PLAGL1: variants seen among roughly 807,000 people sequenced by gnomAD.
PLAGL1 encodes PLAG1 like zinc finger 1.
A neutral mutation model predicts 4.6 loss-of-function variants in PLAGL1; 1 was observed. That is an observed-to-expected ratio of 0.22 (90% CI 0.08 to 1.03). PLAGL1 has a LOEUF of 1.03. Among genes scored for constraint, PLAGL1 ranks in the 50% least tolerant of loss-of-function variants. PLAGL1 has a pLI of 0.58. For missense variants in PLAGL1, 464 were observed against 570.4 expected (o/e 0.81, Z 1.90); for synonymous variants, 240 against 237.8 (o/e 1.01, Z -0.08).
chr6:144,040,149 G>A (rs1252714482), intron 1 of PLAGL1, among the ~76,000 whole-genome samples: 2 of 152,188 alleles, frequency 1.3e-5, no homozygotes, highest in African/African-American at 4.8e-5. Context: ...GAACTCCAAA[G>A]TTCATGGTAA....
upstream of PLAGL1, among the ~76,000 whole-genome samples, chr6:144,009,778 C>T (rs1795011665): frequency 6.6e-6 from 1 of 151,978 alleles, no homozygotes; most frequent in South Asian, 2.1e-4. Flanking sequence ...GTTTAGTTTT[C>T]TGTTCCTGTG....
In PLAGL1 at chr6:144,061,334, GGAA is replaced by G. The variant is rs1799384956; in HGVS notation, c.-151+3131_-151+3133del. 2.0e-5 allele frequency among the ~76,000 whole-genome samples: 3 copies of G among 152,158 alleles called. No homozygotes were observed. The highest frequency in any genetic ancestry group is 4.4e-5 in the Non-Finnish European group (3 of 68,032). On this transcript the variant is annotated intron_variant, in intron 1 of 3. Transcript: ENST00000437412. This position sits in a 1 kb window ranked among gnomAD's most constrained non-coding sequence, Gnocchi z 4.4. ...CCAATTCCAATTTCTTTCTACAACT[GGAA>G]CAGGACAGTCTATCTGTGCAACCTA...
Position 144,063,867 on chromosome 6 carries a change from CG to C in PLAGL1, c.-151+600del, listed in dbSNP as rs1307228537. 6.6e-6 allele frequency among the ~76,000 whole-genome samples: 1 copy of C among 152,196 alleles called. No individual in the cohort carries two copies. Among genetic ancestry groups the C allele is most frequent in the African/African-American group, 2.4e-5 (1 of 41,452 alleles). On this transcript the variant is annotated intron_variant, in intron 1 of 3. Transcript: ENST00000437412. This position sits in a 1 kb window ranked among gnomAD's most constrained non-coding sequence, Gnocchi z 5.7. ...ATTATCCCGCGCGCCGCCGGTAATC[CG>C]GGGTGACGCCACGGCCCAGGTCTCT...
At chr6:144,020,524 T>C (rs1421179956) in intron 1 of PLAGL1, among the ~76,000 whole-genome samples, 1 of 151,926 alleles carries the variant, frequency 6.6e-6, no homozygotes, top group Non-Finnish European at 1.5e-5. Context: ...CCTGACCTTG[T>C]ATCCACCCAC....
chr6:143,945,842 G>A lies in PLAGL1; in HGVS notation c.152+2143C>T, dbSNP rs1429976659. The stretch of plus-strand genomic sequence containing the variant: ...TACTATATCACTGCTTCAGGCAAGA[G>A]AGGCGAGAGGCAAGAAATGCTGGGG... On this transcript the variant is annotated intron_variant, in intron 7 of 7. Transcript: ENST00000674357. The surrounding 1 kb of genome is among the most constrained non-coding windows in gnomAD (Gnocchi z 4.2). 1.3e-5 allele frequency among the ~76,000 whole-genome samples: 2 copies of A among 152,180 alleles called. No individual in the cohort carries two copies. The highest frequency in any genetic ancestry group is 2.4e-5 in the African/African-American group (1 of 41,442).
intron 2 of PLAGL1, among the ~76,000 whole-genome samples, chr6:143,976,333 T>A (rs1786543930): frequency 6.7e-6 from 1 of 148,514 alleles, no homozygotes; most frequent in Non-Finnish European, 1.5e-5. Context: ...CTTAGTGATT[T>A]AGTTCTCCTT....
In PLAGL1 at chr6:143,947,757, A is replaced by G. The variant is rs911043301; in HGVS notation, c.152+228T>C. Among the ~76,000 whole-genome samples the G allele has an allele frequency of 1.3e-5, 2 of 152,160 alleles. No homozygotes were observed. The highest frequency in any genetic ancestry group is 4.1e-4 in the South Asian group (2 of 4,830). On this transcript the variant is annotated intron_variant, in intron 7 of 7. Coordinates refer to ENST00000674357, the MANE Select transcript of PLAGL1 (RefSeq NM_001317162.2). The surrounding 1 kb of genome is among the most constrained non-coding windows in gnomAD (Gnocchi z 4.3). ...CTCCAGCCATGGGGAGAGGCCTGGT[A>G]TATTGTAGGTGCATAAAAAATCTCT...
At chr6:144,042,187 C>A (rs376640739) in intron 1 of PLAGL1, among the ~76,000 whole-genome samples, 1 of 152,028 alleles carries the variant, frequency 6.6e-6, no homozygotes, top group Admixed American at 6.5e-5. Context: ...TAATTAGATC[C>A]CATTTGTCTA....
intron 7 of PLAGL1, among the ~76,000 whole-genome samples, chr6:143,944,165 T>G (rs1168059177): frequency 6.6e-6 from 1 of 152,226 alleles, no homozygotes; most frequent in Non-Finnish European, 1.5e-5. Context: ...CAGAAGATTT[T>G]CTAACAACTC....
rs1204085718 is a variant in PLAGL1, at chr6:143,983,789, T to C, written c.-544+1346A>G. ...AAATGTGTTGGAGTGGGAGGACAGA[T>C]GGAGAATGGGGTGCTGGGACTCAAG... On this transcript the variant is annotated intron_variant, in intron 2 of 7. Transcript: ENST00000674357. This position sits in a 1 kb window ranked among gnomAD's most constrained non-coding sequence, Gnocchi z 6.6. 1.3e-5 allele frequency among the ~76,000 whole-genome samples: 2 copies of C among 151,974 alleles called. No individual in the cohort carries two copies. The highest frequency in any genetic ancestry group is 3.9e-4 in the East Asian group (2 of 5,180).
intron 1 of PLAGL1, among the ~76,000 whole-genome samples, chr6:144,041,046 C>G (rs1352832005): frequency 6.6e-5 from 10 of 152,054 alleles, no homozygotes; most frequent in Admixed American, 5.9e-4. Context: ...TTTTCCAGAA[C>G]AGGAAATGTT....
Position 144,063,421 on chromosome 6 carries a change from A to G in PLAGL1, c.-151+1047T>C, listed in dbSNP as rs1799586890. On this transcript the variant is annotated intron_variant, in intron 1 of 3. Coordinates refer to the PLAGL1 transcript ENST00000437412. This position sits in a 1 kb window ranked among gnomAD's most constrained non-coding sequence, Gnocchi z 5.7. ...ACAAAAAGTCTCACGCCAGGGCTTTATCCCCTCACGTGATTCAGGACATCT... is the reference window on the plus strand; with the variant it reads ...ACAAAAAGTCTCACGCCAGGGCTTTGTCCCCTCACGTGATTCAGGACATCT... Among the ~76,000 whole-genome samples, 1 of 152,152 alleles carries G rather than the reference A, an allele frequency of 6.6e-6. No homozygotes were observed.
In PLAGL1 at chr6:144,027,292, A is replaced by AAAGAAAGAAAGAAAGAAAGAAAGAAAGT. The variant is rs752733300; in HGVS notation, c.-151+37175_-151+37176insACTTTCTTTCTTTCTTTCTTTCTTTCTT. Among the ~76,000 whole-genome samples the AAAGAAAGAAAGAAAGAAAGAAAGAAAGT allele has an allele frequency of 1.1e-4, 15 of 142,578 alleles. No homozygotes were observed. The highest frequency in any genetic ancestry group is 3.9e-4 in the African/African-American group (15 of 38,348). 93.5% of individuals were successfully genotyped at this position (142,578 alleles called of 152,430 possible). A position where few individuals can be genotyped will look rare whatever the true frequency, so the allele number is the denominator to read the frequency against. On this transcript the variant is annotated intron_variant, in intron 1 of 3. Coordinates refer to the PLAGL1 transcript ENST00000437412. This position sits in a 1 kb window ranked among gnomAD's most constrained non-coding sequence, Gnocchi z 5.8. ...GAAAGAAAGAAAGAAAGAAAGAAAG[A>AAAGAAAGAAAGAAAGAAAGAAAGAAAGT]AAGTTATTTGATCTGAAGTACAATG...
chr6:144,010,249 CAA>C (rs377657956), upstream of PLAGL1, among the ~76,000 whole-genome samples: 298 of 152,270 alleles, frequency 2.0e-3, 4 homozygotes, highest in East Asian at 0.015. The surrounding 1 kb of genome is among the most constrained non-coding windows in gnomAD (Gnocchi z 4.1). Flanking sequence ...GCAACTTCAG[CAA>C]AGTCTCAGGA....
At chr6:144,030,181 G>C (rs896955146) in intron 1 of PLAGL1, among the ~76,000 whole-genome samples, 1 of 148,244 alleles carries the variant, frequency 6.7e-6, no homozygotes, top group Non-Finnish European at 1.5e-5. Flanking sequence ...CGTGAACCTG[G>C]GAGGCGGAGC....
At chr6:144,010,421 G>T (rs1317394542), upstream of PLAGL1, among the ~76,000 whole-genome samples, 1 of 152,138 alleles carries the variant, frequency 6.6e-6, no homozygotes, top group African/African-American at 2.4e-5. This position sits in a 1 kb window ranked among gnomAD's most constrained non-coding sequence, Gnocchi z 4.1. Context: ...TCTTCAAGGA[G>T]AACTACAAAC....
chr6:143,946,875 G>T (rs1381455366), intron 7 of PLAGL1, among the ~76,000 whole-genome samples: 1 of 152,208 alleles, frequency 6.6e-6, no homozygotes, highest in Non-Finnish European at 1.5e-5. Flanking sequence ...CACTATGTGT[G>T]TGGCTCTGAG....
chr6:144,058,222 G>A (rs996714616), intron 1 of PLAGL1, among the ~76,000 whole-genome samples: 2 of 152,156 alleles, frequency 1.3e-5, no homozygotes, highest in South Asian at 2.1e-4. Flanking sequence ...GTCACATGAT[G>A]AGAGTAAGAG....
rs1166743154 is a variant in PLAGL1, at chr6:144,053,447, A to T, written c.-151+11021T>A. 6.6e-6 allele frequency among the ~76,000 whole-genome samples: 1 copy of T among 152,238 alleles called. No homozygotes were observed. Among genetic ancestry groups the T allele is most frequent in the Non-Finnish European group, 1.5e-5 (1 of 68,038 alleles). ...CCACACCCGGCCTAATTAGTCATTA[A>T]TTCTTGAGTAGTTCATTCAAGTATA... is the stretch of plus-strand genomic sequence containing the variant. On this transcript the variant is annotated intron_variant, in intron 1 of 3. Coordinates refer to the PLAGL1 transcript ENST00000437412. The surrounding 1 kb of genome is among the most constrained non-coding windows in gnomAD (Gnocchi z 4.0).
Sources: gnomAD v4.1 joint callset for allele counts (sites outside exome capture counted in the v4.1 genomes callset) on GRCh38, gnomAD v4.1.1 for gene constraint, Gnocchi (gnomAD v3.1) non-coding constraint, MANE v1.5 for transcripts, NCBI Gene and HGNC (gene_info 2026-07-23, HGNC 2026-07-21) for gene names.